The following ZFP2 variants were observed in gnomAD, a reference collection of about 807,000 sequenced individuals.
ZFP2 encodes zinc finger protein ZFP2.
ZFP2 carries 33 observed loss-of-function variants against 36.1 expected under a neutral mutation model. The ratio of observed to expected loss-of-function variants is 0.92; its 90% CI spans 0.69 to 1.22. ZFP2 has a LOEUF of 1.22. Ranked by LOEUF, ZFP2 falls within the 50% of genes most tolerant of loss-of-function variation. ZFP2 has a pLI of 0.00. For synonymous variants in ZFP2, 170 were observed against 178.0 expected (o/e 0.96, Z 0.36); for missense variants, 522 against 551.4 (o/e 0.95, Z 0.53).
chr5:178,909,819 T>C, intron 1 of ZFP2: 8 of 1,592,980 alleles, frequency 5.0e-6, no homozygotes, highest in Non-Finnish European at 6.9e-6. Flanking sequence ...GTCGAAGAGA[T>C]TTGGCCAGGC....
At chr5:178,897,053 T>TC (rs1554105304) in intron 1 of ZFP2, among the ~76,000 whole-genome samples, 2 of 151,776 alleles carry the variant, frequency 1.3e-5, no homozygotes, top group African/African-American at 4.8e-5. Context: ...TTTTTTTTTT[T>TC]CAGTATTATA....
intron 1 of ZFP2, among the ~76,000 whole-genome samples, chr5:178,897,884 G>A (rs1757974759): frequency 6.6e-6 from 1 of 152,148 alleles, no homozygotes; most frequent in Non-Finnish European, 1.5e-5. Context: ...TCCAATTCTT[G>A]TAGCTTTATG....
At chr5:178,914,237 A>G (rs1758371121) in intron 3 of ZFP2, among the ~76,000 whole-genome samples, 2 of 152,184 alleles carry the variant, frequency 1.3e-5, no homozygotes, top group South Asian at 4.1e-4. Context: ...GCTATCTAAG[A>G]TAAAACAATG....
chr5:178,929,945 G>GA lies in ZFP2; in HGVS notation c.-77-1292_-77-1291insA, dbSNP rs556064343. 6.6e-3 allele frequency among the ~76,000 whole-genome samples: 938 copies of GA among 141,164 alleles called. 25 individuals carry two copies. The highest frequency in any genetic ancestry group is 0.012 in the Non-Finnish European group (754 of 63,576). 92.6% of individuals were successfully genotyped at this position (141,164 alleles called of 152,430 possible). ...AGTGCCAGCATCTGCTTGACGGTGGGGGGGGGGGCTCAGGAGGCTTACAGT... is the reference window on the plus strand; with the variant it reads ...AGTGCCAGCATCTGCTTGACGGTGGGAGGGGGGGGCTCAGGAGGCTTACAGT... On this transcript the variant is annotated intron_variant, in intron 4 of 4. Transcript: ENST00000361362.
chr5:178,897,902 G>C (rs1757974987), intron 1 of ZFP2, among the ~76,000 whole-genome samples: 1 of 152,160 alleles, frequency 6.6e-6, no homozygotes. Context: ...ATGAATACTG[G>C]TGGGCAAGTT....
intron 1 of ZFP2, among the ~76,000 whole-genome samples, chr5:178,908,219 T>C (rs1185819040): frequency 1.3e-5 from 2 of 151,982 alleles, no homozygotes; most frequent in East Asian, 1.9e-4. Flanking sequence ...GAGGCTAAGG[T>C]GGGCAGATCA....
At chr5:178,907,578 G>T (rs1758192717) in intron 1 of ZFP2, among the ~76,000 whole-genome samples, 1 of 151,522 alleles carries the variant, frequency 6.6e-6, no homozygotes, top group Non-Finnish European at 1.5e-5. Flanking sequence ...CCCACTCCAG[G>T]CTTCTGCCTT....
At chr5:178,899,937 C>T (rs1184550024) in intron 1 of ZFP2, among the ~76,000 whole-genome samples, 2 of 152,058 alleles carry the variant, frequency 1.3e-5, no homozygotes, top group African/African-American at 4.8e-5. Context: ...TTCGTGGAGG[C>T]AAGTATAAAC....
chr5:178,929,806 C>T (rs184040421), intron 4 of ZFP2, among the ~76,000 whole-genome samples: 37 of 152,238 alleles, frequency 2.4e-4, no homozygotes, highest in Middle Eastern at 3.4e-3. Context: ...TCCACTTCCC[C>T]GTACCAATTT....
intron 4 of ZFP2, among the ~76,000 whole-genome samples, chr5:178,930,306 T>TC (rs1210512215): frequency 7.1e-6 from 1 of 140,632 alleles, no homozygotes; most frequent in African/African-American, 2.6e-5. Context: ...TCTTTTTTTT[T>TC]CCCTTTCCTT....
In ZFP2 at chr5:178,908,636, A is replaced by C. The variant is rs1419296285; in HGVS notation, c.-449-3948A>C. 5.3e-5 allele frequency among the ~76,000 whole-genome samples: 8 copies of C among 151,776 alleles called. No homozygotes were observed. The East Asian group carries it at 9.7e-4, about 18-fold the overall frequency. On this transcript the variant is annotated intron_variant, in intron 1 of 4. Transcript: ENST00000361362. ...TTCCCCTACCAAAAAAAAAAAAAAA[A>C]AACCTAATTTGTGCAAGAAATGGCA...
At chr5:178,931,170 A>G in intron 4 of ZFP2, 67 bp from the exon 5 acceptor site, 7 of 1,429,466 alleles carry the variant, frequency 4.9e-6, no homozygotes, top group Non-Finnish European at 6.4e-6. Context: ...TCTCATTCCT[A>G]CCTTATGCAG....
At chr5:178,927,502 T>G (rs1220803426) in intron 4 of ZFP2, among the ~76,000 whole-genome samples, 3 of 82,086 alleles carry the variant, frequency 3.7e-5, no homozygotes, top group Non-Finnish European at 5.4e-5. Flanking sequence ...ATTTTTGGGG[T>G]TTTTTTTTTT....
intron 1 of ZFP2, among the ~76,000 whole-genome samples, chr5:178,901,356 T>A (rs1040368384): frequency 6.6e-6 from 1 of 152,220 alleles, no homozygotes; most frequent in Middle Eastern, 3.2e-3. Context: ...TGCCACAAAT[T>A]GAGTGGCTCG....
chr5:178,929,986 G>A (rs1758790753), intron 4 of ZFP2, among the ~76,000 whole-genome samples: 1 of 151,644 alleles, frequency 6.6e-6, no homozygotes, highest in African/African-American at 2.4e-5. Context: ...CAGTAGGTGA[G>A]AGGGGAGCAG....
chr5:178,912,320 C>T (rs1581833914), intron 1 of ZFP2, among the ~76,000 whole-genome samples: 1 of 152,134 alleles, frequency 6.6e-6, no homozygotes, highest in African/African-American at 2.4e-5. Context: ...GATCACAACA[C>T]CACTCCTTCC....
At chr5:178,908,395 C>T (rs1362991264) in intron 1 of ZFP2, among the ~76,000 whole-genome samples, 4 of 150,376 alleles carry the variant, frequency 2.7e-5, no homozygotes, top group African/African-American at 4.9e-5. Flanking sequence ...TGTAGTGAGC[C>T]GAGATTGCGC....
intron 4 of ZFP2, 62 bp from the exon 5 acceptor site, chr5:178,931,175 A>G (rs377562110): frequency 6.9e-7 from 1 of 1,441,540 alleles, no homozygotes; most frequent in Non-Finnish European, 9.1e-7. Flanking sequence ...TTCCTACCTT[A>G]TGCAGTTTCC....
At chr5:178,931,099 A>C in intron 4 of ZFP2, 138 bp from the exon 5 acceptor site, 8 of 885,410 alleles carry the variant, frequency 9.0e-6, no homozygotes, top group Non-Finnish European at 1.3e-5. Flanking sequence ...AATTTTGGGT[A>C]CATGTTTGAA....
Sources: gnomAD v4.1 joint callset for allele counts (sites outside exome capture counted in the v4.1 genomes callset) on GRCh38, gnomAD v4.1.1 for gene constraint, MANE v1.5 for transcripts, NCBI Gene and HGNC (gene_info 2026-07-23, HGNC 2026-07-21) for gene names.